Variants in PPCDC observed in about 807,000 individuals in gnomAD.
PPCDC encodes phosphopantothenoylcysteine decarboxylase.
PPCDC carries 20 observed loss-of-function variants against 20.7 expected under a neutral mutation model. The ratio of observed to expected loss-of-function variants is 0.97; its 90% CI spans 0.68 to 1.41. The LOEUF (loss-of-function observed/expected upper bound fraction) is 1.41. Ranked by LOEUF, PPCDC falls within the 40% of genes most tolerant of loss-of-function variation. PPCDC has a pLI of 0.00. For missense variants in PPCDC, 246 were observed against 263.8 expected (o/e 0.93, Z 0.47); for synonymous variants, 88 against 100.3 (o/e 0.88, Z 0.73).
At chr15:75,033,539 T>TAA (rs1452000040) in intron 2 of PPCDC, among the ~76,000 whole-genome samples, 1 of 152,232 alleles carries the variant, frequency 6.6e-6, no homozygotes. Context: ...TTGTTTGTTT[T>TAA]AAGTCAGTGG....
At position 75,049,458 on chromosome 15, in the gene PPCDC, C is replaced by A. The variant is rs1463934049; in HGVS notation, c.*223C>A. The stretch of plus-strand genomic sequence containing the variant: ...GGCCGCTGCCTAGAGCCCCTCCCCA[C>A]CTTTTCCTGGATGGGTGAGGCAAGC... On this transcript the variant is annotated 3_prime_UTR_variant, in exon 6 of 6. Coordinates refer to ENST00000342932, the MANE Select transcript of PPCDC (RefSeq NM_021823.5). 3.6e-6 allele frequency: 2 copies of A among 555,496 alleles called. No individual in the cohort carries two copies. The highest frequency in any genetic ancestry group is 6.4e-6 in the Non-Finnish European group (2 of 310,832). The allele number at this position is 555,496 out of a possible 1,614,324, so 34.4% of individuals were successfully genotyped here.
intron 2 of PPCDC, among the ~76,000 whole-genome samples, chr15:75,041,994 G>A (rs1442980222): frequency 1.3e-5 from 2 of 152,230 alleles, no homozygotes; most frequent in Non-Finnish European, 2.9e-5. Context: ...TCTCACGTAG[G>A]AATGTGTGTC....
At chr15:75,030,305 G>C (rs1451056281) in intron 2 of PPCDC, among the ~76,000 whole-genome samples, 1 of 152,242 alleles carries the variant, frequency 6.6e-6, no homozygotes, top group African/African-American at 2.4e-5. Context: ...CAGTGACTCA[G>C]CACAGAGCCT....
At position 75,049,341 on chromosome 15, in the gene PPCDC, G is replaced by C; in HGVS notation, c.*106G>C. On this transcript the variant is annotated 3_prime_UTR_variant, in exon 6 of 6. Coordinates refer to ENST00000342932, the MANE Select transcript of PPCDC (RefSeq NM_021823.5). The stretch of plus-strand genomic sequence containing the variant: ...AGGAGGATACCCTCATTTGCTGAAT[G>C]GGGGACCTGCTCTGAGCCTGCCCAG... The C allele has an allele frequency of 9.2e-7, 1 of 1,092,754 alleles. No individual in the cohort carries two copies. Among genetic ancestry groups the C allele is most frequent in the South Asian group, 1.4e-5 (1 of 69,846 alleles). 67.7% of individuals were successfully genotyped at this position (1,092,754 alleles called of 1,614,324 possible).
chr15:75,047,034 C>T (rs754067270), intron 4 of PPCDC, among the ~76,000 whole-genome samples: 2 of 152,242 alleles, frequency 1.3e-5, no homozygotes, highest in Non-Finnish European at 2.9e-5. Flanking sequence ...GAGATGTCAC[C>T]GTGGGAACCG....
intron 1 of PPCDC, 57 bp from the exon 2 acceptor site, chr15:75,028,190 T>A (rs1244425597): frequency 3.9e-6 from 5 of 1,278,418 alleles, no homozygotes; most frequent in Non-Finnish European, 5.3e-6. Flanking sequence ...TACGTGGTGC[T>A]CCATACATTC....
intron 1 of PPCDC, 183 bp from the exon 2 acceptor site, chr15:75,028,064 C>T (rs2065977831): frequency 2.0e-6 from 1 of 498,072 alleles, no homozygotes; most frequent in African/African-American, 1.9e-5. Flanking sequence ...TGCATCATTC[C>T]CTTGTGACTG....
At chr15:75,026,785 C>T (rs1160101899) in intron 1 of PPCDC, among the ~76,000 whole-genome samples, 1 of 152,140 alleles carries the variant, frequency 6.6e-6, no homozygotes, top group African/African-American at 2.4e-5. Flanking sequence ...CCTTACTGCT[C>T]TCTTTCATGT....
At chr15:75,047,069 T>C (rs533579691) in intron 4 of PPCDC, among the ~76,000 whole-genome samples, 1 of 152,344 alleles carries the variant, frequency 6.6e-6, no homozygotes, top group Admixed American at 6.5e-5. Context: ...TCCTGCCTGC[T>C]TTCGTGGGTT....
intron 2 of PPCDC, among the ~76,000 whole-genome samples, chr15:75,042,332 A>G (rs542879769): frequency 6.6e-6 from 1 of 152,268 alleles, no homozygotes; most frequent in African/African-American, 2.4e-5. Context: ...GGGCCCCTGT[A>G]CTTTGCCAGC....
At chr15:75,028,593 TGG>T in intron 2 of PPCDC, 140 bp downstream of exon 2, 1 of 1,236,330 alleles carries the variant, frequency 8.1e-7, no homozygotes, top group Non-Finnish European at 1.1e-6. Flanking sequence ...CCTGTGTGTG[TGG>T]TGCTCTGTGG....
Position 75,045,738 on chromosome 15 carries a change from A to G in PPCDC, c.360+1224A>G, listed in dbSNP as rs529485788. ...GCAGAGAAGAGAGAGCCTGGGTGCA[A>G]TGTCATCAAGAAGGCTTTCCCTATA... On this transcript the variant is annotated intron_variant, in intron 4 of 5. Coordinates refer to ENST00000342932, the MANE Select transcript of PPCDC (RefSeq NM_021823.5). Among the ~76,000 whole-genome samples, 27 of 152,118 alleles carry G rather than the reference A, an allele frequency of 1.8e-4. 1 individual carries two copies. In the South Asian group the frequency reaches 4.0e-3, roughly 22 times the overall value.
chr15:75,046,047 C>G (rs2066229173), intron 4 of PPCDC, among the ~76,000 whole-genome samples: 1 of 151,584 alleles, frequency 6.6e-6, no homozygotes, highest in South Asian at 2.1e-4. Context: ...TCCATCTCTA[C>G]AAAACATATA....
chr15:75,032,138 C>A (rs2066028772), intron 2 of PPCDC, among the ~76,000 whole-genome samples: 1 of 152,168 alleles, frequency 6.6e-6, no homozygotes, highest in South Asian at 2.1e-4. Context: ...TATGGGGTGG[C>A]ATTTCCTGAA....
At chr15:75,029,139 G>A (rs2065991571) in intron 2 of PPCDC, among the ~76,000 whole-genome samples, 1 of 152,086 alleles carries the variant, frequency 6.6e-6, no homozygotes, top group African/African-American at 2.4e-5. Context: ...CACCTCCAGG[G>A]CCCTTAGTTG....
At chr15:75,043,827 C>T in intron 3 of PPCDC, 1 of 384,368 alleles carries the variant, frequency 2.6e-6, no homozygotes, top group Non-Finnish European at 4.8e-6. Context: ...CTGTTCCCAC[C>T]ACCCTTGTCC....
chr15:75,032,574 A>G (rs1028456494), intron 2 of PPCDC, among the ~76,000 whole-genome samples: 1 of 152,184 alleles, frequency 6.6e-6, no homozygotes, highest in African/African-American at 2.4e-5. Flanking sequence ...CCAGCAGTAG[A>G]GAGCTGTGGT....
chr15:75,027,327 C>T (rs544294634), intron 1 of PPCDC, among the ~76,000 whole-genome samples: 9 of 152,260 alleles, frequency 5.9e-5, no homozygotes, highest in Non-Finnish European at 8.8e-5. Flanking sequence ...TGGCCCAACC[C>T]GCCACGTGTA....
chr15:75,048,623 G>T lies in PPCDC; in HGVS notation c.431G>T (p.Trp144Leu). ...LFCPAMNTAMWEHPITAQQVD... is the reference protein window; with the variant it reads ...LFCPAMNTAMLEHPITAQQVD... ...TGCCCGGCCATGAACACCGCCATGTGGGAGCACCCGATCACAGCGCAGCAG... is the reference window on the plus strand; with the variant it reads ...TGCCCGGCCATGAACACCGCCATGTTGGAGCACCCGATCACAGCGCAGCAG... The change falls in exon 5 of 6, where the codon TGG becomes TTG. Residue 144 changes from tryptophan (W) to leucine (L), a missense_variant. By Grantham distance (61) the Trp-to-Leu change is moderately conservative. Coordinates refer to ENST00000342932, the MANE Select transcript of PPCDC (RefSeq NM_021823.5). 6.2e-7 allele frequency: 1 copy of T among 1,614,234 alleles called. No homozygotes were observed. The highest frequency in any genetic ancestry group is 8.5e-7 in the Non-Finnish European group (1 of 1,180,040).
Sources: gnomAD v4.1 joint callset for allele counts (sites outside exome capture counted in the v4.1 genomes callset) on GRCh38, gnomAD v4.1.1 for gene constraint, MANE v1.5 for transcripts, NCBI Gene and HGNC (gene_info 2026-07-23, HGNC 2026-07-21) for gene names.